Variants in SETD1A observed in about 807,000 individuals in gnomAD.
SETD1A encodes SET domain containing 1A, histone lysine methyltransferase.
In SETD1A, 29 loss-of-function variants were observed where a neutral mutation model predicts 149.9. The ratio of observed to expected loss-of-function variants is 0.19; its 90% confidence interval spans 0.14 to 0.26. The LOEUF (loss-of-function observed/expected upper bound fraction) is 0.26. Ranked by LOEUF, SETD1A falls within the 10% of genes least tolerant of loss-of-function variation. The pLI, the probability that SETD1A is intolerant of heterozygous loss-of-function variation, is 1.00. For synonymous variants in SETD1A, 1,141 were observed against 968.5 expected, an observed-to-expected ratio of 1.18 and a Z score of -3.31; for missense variants, 2,109 against 2,353.1, an observed-to-expected ratio of 0.90 and a Z score of 2.15.
rs1375306338 is a variant in SETD1A at position 30,979,465 on chromosome 16, C to G, written c.3679C>G (p.Arg1227Gly). Residue 1227 changes from arginine to glycine, a missense_variant, in exon 14 of 19, where the codon CGA becomes GGA. Around this residue, in one of 8 missense-constraint regions of SETD1A, gnomAD observed 832 missense variants for 815.6 expected, o/e 1.02. Transcript: ENST00000262519. The part of the protein sequence containing the change: ...LVKSWPEEVS[R>G]GGRSRAGGRG... ...CAAGAGTTGGCCCGAGGAGGTGTCC[C>G]GAGGAGGCCGGAGCCGGGCTGGAGG... The G allele has an allele frequency of 3.1e-6, 5 of 1,599,800 alleles. No homozygotes were observed. Among genetic ancestry groups the G allele is most frequent in the Non-Finnish European group, 4.3e-6 (5 of 1,173,458 alleles).
At chr16:30,971,074 G>A (rs1002725320) in intron 12 of SETD1A, among the ~76,000 whole-genome samples, 4 of 152,158 alleles carry the variant, frequency 2.6e-5, no homozygotes, top group Non-Finnish European at 4.4e-5. Flanking sequence ...TCTTGCTTCC[G>A]ACATCCCTGT....
rs751439907 is a variant in SETD1A, at chr16:30,964,237, C to A, written c.783C>A (p.Gly261=). The change falls in exon 6 of 19, where the codon GGC becomes GGA. Residue 261 remains glycine (G), a synonymous_variant. Coordinates refer to ENST00000262519, the MANE Select transcript of SETD1A (RefSeq NM_014712.3). ...GACAAGATACCCCATCTTCCTTTGG[C>A]CAGTTCACACCTCAGTCCTCCCAAG... The part of the protein sequence containing the change: ...SSRQDTPSSF[G]QFTPQSSQGT... 6.2e-7 allele frequency: 1 copy of A among 1,614,118 alleles called. No individual in the cohort carries two copies. Among genetic ancestry groups the A allele is most frequent in the South Asian group, 1.1e-5 (1 of 91,090 alleles).
intron 13 of SETD1A, among the ~76,000 whole-genome samples, chr16:30,978,464 G>A (rs952359844): frequency 6.6e-6 from 1 of 152,008 alleles, no homozygotes; most frequent in African/African-American, 2.4e-5. Flanking sequence ...ACGCTGGGGA[G>A]GCAGCACCCC....
intron 7 of SETD1A, 42 bp downstream of exon 7, chr16:30,965,503 A>T: frequency 6.3e-7 from 1 of 1,582,422 alleles, no homozygotes; most frequent in South Asian, 1.1e-5. Flanking sequence ...GGGCTCTGGG[A>T]GTCAGGGTTG....
At position 30,961,646 on chromosome 16, in the gene SETD1A, G is replaced by A. The variant is rs2056053900; in HGVS notation, c.517+109G>A. ...CCAGGGTCATGATCTGAAACTGCTG[G>A]GGCCAGTTGTGTTTCTGAAATCAGA... is the stretch of plus-strand genomic sequence containing the variant. On this transcript the variant is annotated intron_variant, in intron 4 of 18. Coordinates refer to ENST00000262519, the MANE Select transcript of SETD1A (RefSeq NM_014712.3). The surrounding 1 kb of genome is among the most constrained non-coding windows in gnomAD (Gnocchi z 4.0). The A allele has an allele frequency of 7.2e-6, 7 of 968,442 alleles. No individual in the cohort carries two copies. The highest frequency in any genetic ancestry group is 2.6e-5 in the Admixed American group (1 of 38,772). The allele number at this position is 968,442 out of a possible 1,614,324, so 60.0% of individuals were successfully genotyped here. A position where few individuals can be genotyped will look rare whatever the true frequency, so the allele number is the denominator to read the frequency against.
In SETD1A at chr16:30,980,221, C is replaced by T. The variant is rs182910672; in HGVS notation, c.4408+27C>T. 91 of 1,571,248 alleles carry T rather than the reference C, an allele frequency of 5.8e-5. No individual in the cohort carries two copies. Among genetic ancestry groups the T allele is most frequent in the Non-Finnish European group, 7.5e-5 (87 of 1,156,906 alleles). On this transcript the variant is annotated intron_variant, in intron 14 of 18. Transcript: ENST00000262519. This position sits in a 1 kb window ranked among gnomAD's most constrained non-coding sequence, Gnocchi z 7.7. ...TATCCTGAGTGTGGGCGGCCTTCCC[C>T]GGGCTTGGGTCCTCCCCCGACCCCT...
Position 30,965,996 on chromosome 16 carries a change from C to A in SETD1A, c.2115C>A (p.Gly705=), listed in dbSNP as rs756246310. Residue 705 remains glycine, a synonymous_variant, in exon 8 of 19, where the codon GGC becomes GGA. Transcript: ENST00000262519. ...QGKGLIAASA[G]PPGGAFGEAF... ...AGGGATTGATTGCCGCCTCAGCTGG[C>A]CCCCCCGGTGGGGCCTTTGGGGAGG... 50 of 1,574,172 alleles carry A rather than the reference C, an allele frequency of 3.2e-5. No individual in the cohort carries two copies. The highest frequency in any genetic ancestry group is 4.3e-5 in the Non-Finnish European group (50 of 1,159,902).
rs750338485 is a variant in SETD1A at position 30,979,624 on chromosome 16, A to G, written c.3838A>G (p.Thr1280Ala). The part of the protein sequence containing the change: ...ALPAVEDSEA[T>A]ETSDEAERPR... ...GCCTGCTGTTGAAGACTCAGAGGCC[A>G]CAGAGACATCGGACGAGGCCGAGCG... The change falls in exon 14 of 19, where the codon ACA becomes GCA. Residue 1280 changes from threonine (T) to alanine (A), a missense_variant. Physicochemically the swap from Thr to Ala is moderately conservative, Grantham distance 58. Coordinates refer to ENST00000262519, the MANE Select transcript of SETD1A (RefSeq NM_014712.3). The G allele has an allele frequency of 8.7e-6, 14 of 1,611,124 alleles. No homozygotes were observed. Among genetic ancestry groups the G allele is most frequent in the Admixed American group, 6.7e-5 (4 of 60,004 alleles).
intron 1 of SETD1A, chr16:30,958,171 G>GC (rs1281133802): frequency 6.6e-6 from 1 of 150,666 alleles, no homozygotes; most frequent in South Asian, 2.1e-4. Flanking sequence ...TGCTGGGGGG[G>GC]GTGCAGAACG....
chr16:30,958,800 C>A lies in SETD1A; in HGVS notation c.69C>A (p.Ile23=). 6.2e-7 allele frequency: 1 copy of A among 1,614,090 alleles called. No homozygotes were observed. Among genetic ancestry groups the A allele is most frequent in the Non-Finnish European group, 8.5e-7 (1 of 1,179,948 alleles). Residue 23 remains isoleucine (I), a synonymous_variant, in exon 2 of 19, where the codon ATC becomes ATA. Coordinates refer to ENST00000262519, the MANE Select transcript of SETD1A (RefSeq NM_014712.3). ...PSFQWRNYKL[I]VDPALDPALR... ...TCCAGTGGCGGAACTACAAGCTCAT[C>A]GTGGATCCTGCCTTGGACCCTGCCC...
chr16:30,979,338 C>G lies in SETD1A; in HGVS notation c.3552C>G (p.Ala1184=), dbSNP rs373729550. ...EVVPAPEPPP[A]TPPQAKFPGP... is the part of the protein sequence containing the mutation. The stretch of plus-strand genomic sequence containing the variant: ...TGCCAGCCCCGGAGCCCCCTCCAGC[C>G]ACACCGCCGCAGGCCAAGTTTCCCG... The change falls in exon 14 of 19, where the codon GCC becomes GCG. Residue 1184 remains alanine, a synonymous_variant. Coordinates refer to ENST00000262519, the MANE Select transcript of SETD1A (RefSeq NM_014712.3). 2.5e-6 allele frequency: 4 copies of G among 1,613,114 alleles called. No individual in the cohort carries two copies. Among genetic ancestry groups the G allele is most frequent in the Non-Finnish European group, 2.5e-6 (3 of 1,179,700 alleles).
At position 30,965,458 on chromosome 16, in the gene SETD1A, C is replaced by T. The variant is rs1295478717; in HGVS notation, c.1716C>T (p.Asn572=). Residue 572 remains asparagine, a synonymous_variant, in exon 7 of 19, where the codon AAC becomes AAT. Transcript: ENST00000262519. The part of the protein sequence containing the change: ...TRESPKANGQ[N]QASPCSSGDD... ...AGTCTCCCAAGGCAAATGGACAGAA[C>T]CAGGTGAGGTTGGGGTCAGCCAGAG... 1.1e-5 allele frequency: 17 copies of T among 1,593,212 alleles called. No homozygotes were observed. The highest frequency in any genetic ancestry group is 1.5e-5 in the Non-Finnish European group (17 of 1,165,472).
chr16:30,984,130 C>A lies in SETD1A; in HGVS notation c.*107C>A. On this transcript the variant is annotated 3_prime_UTR_variant, in exon 19 of 19. Transcript: ENST00000262519. ...CTCAGCAGGGCCCACATGCCCCCAT[C>A]TCCAAGCGTGGGGTTGGGGGCCCCA... is the stretch of plus-strand genomic sequence containing the variant. 9.1e-7 allele frequency: 1 copy of A among 1,102,262 alleles called. No individual in the cohort carries two copies. Among genetic ancestry groups the A allele is most frequent in the Non-Finnish European group, 1.3e-6 (1 of 794,108 alleles). 68.3% of individuals were successfully genotyped at this position (1,102,262 alleles called of 1,614,324 possible).
intron 10 of SETD1A, among the ~76,000 whole-genome samples, chr16:30,968,092 C>T (rs1039170107): frequency 1.3e-5 from 2 of 152,100 alleles, no homozygotes; most frequent in Non-Finnish European, 1.5e-5. Context: ...GATACAAGAT[C>T]AAATGGACAG....
chr16:30,964,626 C>T lies in SETD1A; in HGVS notation c.884C>T (p.Ser295Phe), dbSNP rs778232927. 2 of 1,613,192 alleles carry T rather than the reference C, an allele frequency of 1.2e-6. No individual in the cohort carries two copies. Among genetic ancestry groups the T allele is most frequent in the Non-Finnish European group, 8.5e-7 (1 of 1,179,680 alleles). The change falls in exon 7 of 19, where the codon TCC (serine) becomes TTC (phenylalanine). Residue 295 changes from serine (S) to phenylalanine (F), a missense_variant. Transcript: ENST00000262519. ...SAYSSSTTST[S>F]FKPRRSENSY... ...TTCTTCTCCAGCACCACTTCAACCTCCTTCAAGCCCCGGCGGTCAGAGAAC... is the reference window on the plus strand; with the variant it reads ...TTCTTCTCCAGCACCACTTCAACCTTCTTCAAGCCCCGGCGGTCAGAGAAC...
intron 10 of SETD1A, among the ~76,000 whole-genome samples, chr16:30,969,009 G>A (rs1399223313): frequency 6.6e-6 from 1 of 152,026 alleles, no homozygotes; most frequent in South Asian, 2.1e-4. Flanking sequence ...TCAGGAGACC[G>A]AGGCAGGAGG....
rs2143514019 is a variant in SETD1A, at chr16:30,967,579, G to A, written c.2761G>A (p.Asp921Asn). The change falls in exon 10 of 19, where the codon GAT becomes AAT. Residue 921 changes from aspartate to asparagine, a missense_variant. By Grantham distance (23) the Asp-to-Asn change is conservative. Transcript: ENST00000262519. ...RPRPSTPAEEDEDDPEQEKEA... is the reference protein window; with the variant it reads ...RPRPSTPAEENEDDPEQEKEA... ...TCGTCCCTCCACTCCTGCTGAGGAAGATGAAGACGGTGAGCAGGGTCAGGC... is the reference window on the plus strand; with the variant it reads ...TCGTCCCTCCACTCCTGCTGAGGAAAATGAAGACGGTGAGCAGGGTCAGGC... The A allele has an allele frequency of 2.5e-6, 4 of 1,613,886 alleles. No homozygotes were observed. The highest frequency in any genetic ancestry group is 3.4e-6 in the Non-Finnish European group (4 of 1,179,776).
At chr16:30,982,870 C>T (rs1044345610) in intron 17 of SETD1A, among the ~76,000 whole-genome samples, 19 of 152,032 alleles carry the variant, frequency 1.2e-4, no homozygotes, top group Non-Finnish European at 4.4e-5. Flanking sequence ...CTCGGTGCTG[C>T]TCTTAGCTGC....
Position 30,964,119 on chromosome 16 carries a change from C to G in SETD1A, c.665C>G (p.Ser222Cys). Residue 222 changes from serine (S) to cysteine (C), a missense_variant, in exon 6 of 19, where the codon TCT becomes TGT. By Grantham distance (112) the Ser-to-Cys change is moderately radical (BLOSUM62 -1). Around this residue, in one of 8 missense-constraint regions of SETD1A, gnomAD observed 410 missense variants for 394.8 expected, o/e 1.04. Coordinates refer to ENST00000262519, the MANE Select transcript of SETD1A (RefSeq NM_014712.3). ...ETAESRRRSS[S>C]DTAAYPAGTT... ...GCCGAATCCCGCCGCCGCTCTTCCT[C>G]TGACACAGCTGCCTACCCAGCAGGC... 1 of 1,613,976 alleles carries G rather than the reference C, an allele frequency of 6.2e-7. No homozygotes were observed. Among genetic ancestry groups the G allele is most frequent in the Non-Finnish European group, 8.5e-7 (1 of 1,180,006 alleles).
Sources: allele counts gnomAD v4.1 joint callset (sites outside exome capture counted in the v4.1 genomes callset), GRCh38; gene constraint gnomAD v4.1.1; regional missense constraint gnomAD v4.1.1; non-coding constraint Gnocchi (gnomAD v3.1); transcripts MANE v1.5; gene names NCBI Gene and HGNC (gene_info 2026-07-23, HGNC 2026-07-21).